The following KIF13A variants were observed in gnomAD, a reference collection of about 807,000 sequenced individuals.
KIF13A encodes kinesin family member 13A, also known as kinesin-like protein KIF13A.
In KIF13A, 79 loss-of-function variants were observed where a neutral mutation model predicts 212.2. The ratio of observed to expected loss-of-function variants is 0.37; its 90% CI spans 0.31 to 0.45. The LOEUF is 0.45. KIF13A is among the 20% of genes least tolerant of loss of function. KIF13A has a pLI of 1.00. For missense variants in KIF13A, 1,901 were observed against 2,209.0 expected (o/e 0.86, Z 2.79); for synonymous variants, 789 against 808.6 (o/e 0.98, Z 0.41).
chr6:17,800,564 G>A (rs1407379393), intron 20 of KIF13A, among the ~76,000 whole-genome samples: 1 of 150,572 alleles, frequency 6.6e-6, no homozygotes, highest in Non-Finnish European at 1.5e-5. Context: ...AGCCTTCTGA[G>A]TAGTTGGGAT....
intron 16 of KIF13A, among the ~76,000 whole-genome samples, chr6:17,819,878 G>A (rs962877782): frequency 2.0e-5 from 3 of 151,954 alleles, no homozygotes; most frequent in Non-Finnish European, 4.4e-5. Context: ...AAAAAAGAAA[G>A]GACAGGGTGC....
At chr6:17,942,362 C>A (rs955907964) in intron 2 of KIF13A, among the ~76,000 whole-genome samples, 1 of 149,070 alleles carries the variant, frequency 6.7e-6, no homozygotes, top group South Asian at 2.1e-4. Context: ...ATATATATTT[C>A]TGTTCATTGA....
chr6:17,821,762 T>C, intron 16 of KIF13A: 3 of 1,534,934 alleles, frequency 2.0e-6, no homozygotes, highest in Non-Finnish European at 2.6e-6. Context: ...AGCTCCCTCA[T>C]GCCAATGCCA....
At chr6:17,878,411 T>G (rs1271942453) in intron 3 of KIF13A, among the ~76,000 whole-genome samples, 1 of 152,110 alleles carries the variant, frequency 6.6e-6, no homozygotes, top group African/African-American at 2.4e-5. Flanking sequence ...TACATGTTAA[T>G]TTTTCATGCC....
intron 2 of KIF13A, among the ~76,000 whole-genome samples, chr6:17,976,088 C>T (rs888928735): frequency 6.6e-6 from 1 of 152,246 alleles, no homozygotes; most frequent in African/African-American, 2.4e-5. Flanking sequence ...AGACATAAAG[C>T]TTCTCCACAT....
intron 3 of KIF13A, among the ~76,000 whole-genome samples, chr6:17,885,317 T>C (rs376306454): frequency 5.9e-5 from 9 of 152,224 alleles, no homozygotes; most frequent in South Asian, 2.1e-4. Context: ...CCCTTATTAC[T>C]GGTGAGTTTT....
intron 19 of KIF13A, among the ~76,000 whole-genome samples, chr6:17,804,811 T>TAAA (rs56785510): frequency 0.025 from 582 of 23,286 alleles, 97 homozygotes; most frequent in African/African-American, 0.039. Context: ...CTGTCTCCAT[T>TAAA]AAAAAAAAAA....
At chr6:17,975,793 G>A (rs953311204) in intron 2 of KIF13A, among the ~76,000 whole-genome samples, 2 of 152,202 alleles carry the variant, frequency 1.3e-5, no homozygotes, top group Non-Finnish European at 2.9e-5. Context: ...CCCCACCAGA[G>A]TAGCTAGATA....
chr6:17,796,674 A>G lies in KIF13A; in HGVS notation c.2937T>C (p.His979=). 1 of 1,537,164 alleles carries G rather than the reference A, an allele frequency of 6.5e-7. No individual in the cohort carries two copies. Among genetic ancestry groups the G allele is most frequent in the South Asian group, 1.2e-5 (1 of 80,434 alleles). The stretch of plus-strand genomic sequence containing the variant: ...GCTCACAGCCAAGTACAAACCTGTC[A>G]TGCAGTGTTCTTGTCTTAGCATGAA... The part of the protein sequence containing the change: ...DSLHAKTRTL[H]DRWNEVTRRI... Residue 979 remains histidine, a synonymous_variant, in exon 23 of 39, where the codon CAT becomes CAC. Coordinates refer to ENST00000259711, the MANE Select transcript of KIF13A (RefSeq NM_022113.6).
rs1763399056 is a variant in KIF13A, at chr6:17,811,197, G to A, written c.2001-2267C>T. On this transcript the variant is annotated intron_variant, in intron 17 of 38. Coordinates refer to ENST00000259711, the MANE Select transcript of KIF13A (RefSeq NM_022113.6). This position sits in a 1 kb window ranked among gnomAD's most constrained non-coding sequence, Gnocchi z 6.0. ...TCTGTAGAAGACTCAGCTTCATTAA[G>A]TCTCATCTTCCACTGAACAACCAAC... is the stretch of plus-strand genomic sequence containing the variant. Among the ~76,000 whole-genome samples the A allele has an allele frequency of 6.6e-6, 1 of 152,164 alleles. No homozygotes were observed. Among genetic ancestry groups the A allele is most frequent in the Non-Finnish European group, 1.5e-5 (1 of 68,036 alleles).
intron 9 of KIF13A, among the ~76,000 whole-genome samples, chr6:17,846,910 G>A (rs2150394095): frequency 6.6e-6 from 1 of 152,082 alleles, no homozygotes; most frequent in East Asian, 1.9e-4. Flanking sequence ...ACCAATTGAC[G>A]GCAACCATTT....
chr6:17,945,683 T>C (rs1308072681), intron 2 of KIF13A, among the ~76,000 whole-genome samples: 2 of 152,236 alleles, frequency 1.3e-5, no homozygotes, highest in Non-Finnish European at 2.9e-5. Flanking sequence ...TGCCAATTCT[T>C]TTCACATTGA....
In KIF13A at chr6:17,878,905, G is replaced by T. The variant is rs192302994; in HGVS notation, c.160-5468C>A. Reference sequence around the variant, plus strand: ...ACTGTTCTTTGCTTGCCAAAGAGCAGCACCCTTTGAACTGCATTATGTCTT... The same window carrying T: ...ACTGTTCTTTGCTTGCCAAAGAGCATCACCCTTTGAACTGCATTATGTCTT... On this transcript the variant is annotated intron_variant, in intron 3 of 38. Coordinates refer to ENST00000259711, the MANE Select transcript of KIF13A (RefSeq NM_022113.6). 5.1e-4 allele frequency among the ~76,000 whole-genome samples: 77 copies of T among 152,282 alleles called. 1 individual carries two copies. In the East Asian group the frequency reaches 0.013, roughly 26 times the overall value.
Position 17,779,645 on chromosome 6 carries a change from T to C in KIF13A, c.3886A>G (p.Asn1296Asp). 1 of 1,528,858 alleles carries C rather than the reference T, an allele frequency of 6.5e-7. No homozygotes were observed. The highest frequency in any genetic ancestry group is 1.1e-5 in the South Asian group (1 of 87,636). The allele number at this position is 1,528,858 out of a possible 1,614,324, so 94.7% of individuals were successfully genotyped here. A position where few individuals can be genotyped will look rare whatever the true frequency, so the allele number is the denominator to read the frequency against. ...QSLKRRISLK[N>D]IFYSCGVTYE... ...GTTACACCACAGGAATAAAATATAT[T>C]TTTCAGGGATATTCTCCTCTTCAAA... is the stretch of plus-strand genomic sequence containing the variant. Residue 1296 changes from asparagine to aspartate, a missense_variant, in exon 32 of 39, where the codon AAT becomes GAT. Coordinates refer to ENST00000259711, the MANE Select transcript of KIF13A (RefSeq NM_022113.6).
chr6:17,791,078 T>A (rs1050372975), intron 25 of KIF13A, among the ~76,000 whole-genome samples: 7 of 152,164 alleles, frequency 4.6e-5, no homozygotes, highest in Admixed American at 1.3e-4. Flanking sequence ...ATAGTCAAAA[T>A]TATTTTCATA....
rs1581884599 is a variant in KIF13A, at chr6:17,777,477, G to C, written c.4093-123C>G. On this transcript the variant is annotated intron_variant, in intron 33 of 38. Coordinates refer to ENST00000259711, the MANE Select transcript of KIF13A (RefSeq NM_022113.6). This position sits in a 1 kb window ranked among gnomAD's most constrained non-coding sequence, Gnocchi z 4.4. The stretch of plus-strand genomic sequence containing the variant: ...CTGCTCACTGCAACCTCTGCCTCCT[G>C]GGTTCAAGCAATTCTGCCTCAGTCT... 2 of 774,560 alleles carry C rather than the reference G, an allele frequency of 2.6e-6. No individual in the cohort carries two copies. Among genetic ancestry groups the C allele is most frequent in the East Asian group, 5.6e-5 (2 of 35,792 alleles). 48.0% of individuals were successfully genotyped at this position (774,560 alleles called of 1,614,324 possible).
At position 17,837,165 on chromosome 6, in the gene KIF13A, T is replaced by G. The variant is rs1766042078; in HGVS notation, c.943-75A>C. 1 of 1,257,648 alleles carries G rather than the reference T, an allele frequency of 8.0e-7. No individual in the cohort carries two copies. Among genetic ancestry groups the G allele is most frequent in the East Asian group, 2.3e-5 (1 of 42,912 alleles). The allele number at this position is 1,257,648 out of a possible 1,614,324, so 77.9% of individuals were successfully genotyped here. ...ACATATGATAAAAGCACTAAATGTG[T>G]TAGGTATGACATTATTCTCTATGAA... On this transcript the variant is annotated intron_variant, in intron 10 of 38. Coordinates refer to ENST00000259711, the MANE Select transcript of KIF13A (RefSeq NM_022113.6). This position sits in a 1 kb window ranked among gnomAD's most constrained non-coding sequence, Gnocchi z 5.4.
chr6:17,800,969 T>G (rs1179192555), intron 20 of KIF13A, among the ~76,000 whole-genome samples: 1 of 151,962 alleles, frequency 6.6e-6, no homozygotes, highest in African/African-American at 2.4e-5. Flanking sequence ...CCTGACCTTG[T>G]GATCTGCCTG....
chr6:17,803,846 A>G (rs1216065077), intron 20 of KIF13A, among the ~76,000 whole-genome samples: 1 of 152,200 alleles, frequency 6.6e-6, no homozygotes, highest in Non-Finnish European at 1.5e-5. Flanking sequence ...TAAATGTTAT[A>G]ATAATCTTTT....
Sources: allele counts gnomAD v4.1 joint callset (sites outside exome capture counted in the v4.1 genomes callset), GRCh38; gene constraint gnomAD v4.1.1; non-coding constraint Gnocchi (gnomAD v3.1); transcripts MANE v1.5; gene names NCBI Gene and HGNC (gene_info 2026-07-23, HGNC 2026-07-21).